Variants in POSTN observed in about 807,000 individuals in gnomAD.
POSTN encodes periostin.
In POSTN, 71 loss-of-function variants were observed where a neutral mutation model predicts 104.5. That is an observed-to-expected ratio of 0.68 (90% CI 0.56 to 0.83). The LOEUF is 0.83. Ranked by LOEUF, POSTN falls within the 40% of genes least tolerant of loss-of-function variation. The probability of loss-of-function intolerance (pLI) is 0.00; values close to 1 mark genes in which losing one functional copy is unlikely to be tolerated. For missense variants in POSTN, 949 were observed against 1,006.8 expected (o/e 0.94, Z 0.78); for synonymous variants, 355 against 340.7 (o/e 1.04, Z -0.46).
intron 7 of POSTN, among the ~76,000 whole-genome samples, chr13:37,585,349 A>G (rs1186614767): frequency 1.4e-5 from 2 of 147,904 alleles, no homozygotes; most frequent in African/African-American, 2.6e-5. Flanking sequence ...CAAGACCATG[A>G]TGAGAAACAC....
Position 37,569,743 on chromosome 13 carries a change from C to T in POSTN, c.2347+1G>A. ...ATTCTTATTTTCCTAGAAATGCTGA[C>T]CTTCTTGTAACAATTTCTTCAGAGT... On this transcript the variant is annotated splice_donor_variant, in intron 20 of 22. Coordinates refer to ENST00000379747, the MANE Select transcript of POSTN (RefSeq NM_006475.3). LOFTEE classifies it high-confidence loss of function. 2.5e-6 allele frequency: 4 copies of T among 1,584,758 alleles called. No individual in the cohort carries two copies. The highest frequency in any genetic ancestry group is 3.5e-6 in the Non-Finnish European group (4 of 1,154,586).
chr13:37,569,247 G>T, intron 21 of POSTN, 53 bp downstream of exon 21: 3 of 1,308,188 alleles, frequency 2.3e-6, no homozygotes, highest in South Asian at 1.3e-5. Flanking sequence ...TTAAAAAGTT[G>T]AACTCAGTCA....
chr13:37,579,666 T>TAAGTG (rs1950521080), intron 12 of POSTN, among the ~76,000 whole-genome samples, 195 bp downstream of exon 12: 1 of 152,152 alleles, frequency 6.6e-6, no homozygotes, highest in Non-Finnish European at 1.5e-5. Flanking sequence ...CCCAACAACA[T>TAAGTG]AACAGTTCAC....
chr13:37,586,729 C>T (rs1950756700), intron 6 of POSTN, 53 bp downstream of exon 6: 3 of 1,503,558 alleles, frequency 2.0e-6, no homozygotes, highest in South Asian at 1.2e-5. Context: ...TAGATTTTGA[C>T]AGGAGAAGAA....
At chr13:37,569,859 T>A (rs1023673042) in intron 19 of POSTN, 38 bp from the exon 20 acceptor site, 3 of 1,362,720 alleles carry the variant, frequency 2.2e-6, no homozygotes, top group Non-Finnish European at 2.1e-6. Flanking sequence ...AAAACAGAAG[T>A]AGGCAAACTT....
rs776036856 is a variant in POSTN at position 37,574,668 on chromosome 13, G to A, written c.2009-16C>T. Reference sequence around the variant, plus strand: ...ATTTTAGTTGCTGAAAGTATAGAAAGTGGAACATGAAAAATATTTACATAA... The same window carrying A: ...ATTTTAGTTGCTGAAAGTATAGAAAATGGAACATGAAAAATATTTACATAA... On this transcript the variant is annotated splice_polypyrimidine_tract_variant and intron_variant, in intron 16 of 22. Transcript: ENST00000379747. 8 of 1,562,912 alleles carry A rather than the reference G, an allele frequency of 5.1e-6. No homozygotes were observed. The highest frequency in any genetic ancestry group is 2.0e-4 in the Middle Eastern group (1 of 5,086).
chr13:37,563,449 T>C (rs898192034), intron 22 of POSTN, 79 bp from the exon 23 acceptor site: 3 of 836,510 alleles, frequency 3.6e-6, no homozygotes, highest in Non-Finnish European at 5.2e-6. Flanking sequence ...ATTCTCTGTA[T>C]ATCTATCAGA....
At position 37,580,568 on chromosome 13, in the gene POSTN, G is replaced by A. The variant is rs753830117; in HGVS notation, c.1522C>T (p.Arg508Cys). ...TGCCACTAATAGGCTTACCTAAAGC[G>A]CTTATCTTGTTTTAACTTTTCATGG... ...SLHEKLKQDK[R>C]FSTFLSLLEA... Residue 508 changes from arginine to cysteine, a missense_variant, in exon 11 of 23, where the codon CGC (arginine) becomes TGC (cysteine). By Grantham distance (180) the Arg-to-Cys change is radical (BLOSUM62 -3). Transcript: ENST00000379747. 2 of 1,613,956 alleles carry A rather than the reference G, an allele frequency of 1.2e-6. No homozygotes were observed. The highest frequency in any genetic ancestry group is 1.1e-5 in the South Asian group (1 of 91,070).
chr13:37,571,035 G>A, intron 18 of POSTN: 2 of 286,886 alleles, frequency 7.0e-6, no homozygotes, highest in Non-Finnish European at 1.3e-5. Context: ...TTATACAATG[G>A]TCATTTTTTC....
intron 4 of POSTN, 92 bp downstream of exon 4, chr13:37,590,280 A>C: frequency 9.5e-7 from 1 of 1,057,324 alleles, no homozygotes; most frequent in Non-Finnish European, 1.3e-6. Context: ...GAAAGATATA[A>C]AATTTCTACT....
intron 5 of POSTN, 137 bp downstream of exon 5, chr13:37,587,685 T>G: frequency 1.5e-6 from 1 of 659,200 alleles, no homozygotes; most frequent in Non-Finnish European, 2.4e-6. Context: ...TGCCCTAGAT[T>G]TGGGGGTAAA....
At chr13:37,584,532 G>C (rs913721405) in intron 8 of POSTN, among the ~76,000 whole-genome samples, 184 bp downstream of exon 8, 5 of 152,100 alleles carry the variant, frequency 3.3e-5, no homozygotes. Context: ...CATGCATGGA[G>C]TTCCCATCAC....
At chr13:37,581,035 C>T (rs1241612820) in intron 10 of POSTN, among the ~76,000 whole-genome samples, 1 of 152,190 alleles carries the variant, frequency 6.6e-6, no homozygotes, top group Non-Finnish European at 1.5e-5. Flanking sequence ...TTTTGGCCAA[C>T]ACTATCTGTA....
chr13:37,574,158 C>T (rs1316316791), intron 17 of POSTN, among the ~76,000 whole-genome samples: 1 of 151,180 alleles, frequency 6.6e-6, no homozygotes, highest in Non-Finnish European at 1.5e-5. Context: ...ATGAAAAATG[C>T]CTATACTTTT....
At chr13:37,584,954 G>T (rs749603580) in intron 7 of POSTN, 26 bp from the exon 8 acceptor site, 12 of 1,610,822 alleles carry the variant, frequency 7.4e-6, no homozygotes, top group Non-Finnish European at 1.0e-5. Context: ...AAAACAGGTA[G>T]CTTTCAGATC....
At chr13:37,584,125 T>C in intron 8 of POSTN, 22 bp from the exon 9 acceptor site, 2 of 1,612,982 alleles carry the variant, frequency 1.2e-6, no homozygotes, top group Non-Finnish European at 1.7e-6. Flanking sequence ...ACCATCACCA[T>C]CACAACAATG....
intron 2 of POSTN, among the ~76,000 whole-genome samples, chr13:37,592,491 G>A (rs867719052): frequency 1.3e-5 from 2 of 152,100 alleles, no homozygotes; most frequent in African/African-American, 4.8e-5. Flanking sequence ...GTAGAGATGG[G>A]GTTTCGCCGT....
chr13:37,581,552 T>G (rs914342257), intron 10 of POSTN, among the ~76,000 whole-genome samples: 2 of 152,098 alleles, frequency 1.3e-5, no homozygotes, highest in African/African-American at 4.8e-5. Context: ...AGACCCTGTC[T>G]CAAGAAAAAT....
At chr13:37,595,668 C>A (rs907031983) in intron 2 of POSTN, among the ~76,000 whole-genome samples, 1 of 152,140 alleles carries the variant, frequency 6.6e-6, no homozygotes, top group African/African-American at 2.4e-5. Context: ...ATTTTAAGAA[C>A]AATTGATATT....
Sources: allele counts gnomAD v4.1 joint callset (sites outside exome capture counted in the v4.1 genomes callset), GRCh38; gene constraint gnomAD v4.1.1; transcripts MANE v1.5; gene names NCBI Gene and HGNC (gene_info 2026-07-23, HGNC 2026-07-21).